SLC36A1: variants seen among roughly 807,000 people sequenced by gnomAD.
SLC36A1 encodes the protein solute carrier family 36 member 1.
A neutral mutation model predicts 47.5 loss-of-function variants in SLC36A1; 30 were observed. The observed-to-expected ratio is 0.63, with a 90% CI of 0.47 to 0.86. The LOEUF (loss-of-function observed/expected upper bound fraction) is 0.86, where lower values mean the gene tolerates loss of function less well. Among genes scored for constraint, SLC36A1 ranks in the 40% least tolerant of loss-of-function variants. The pLI, the probability that SLC36A1 is intolerant of heterozygous loss-of-function variation, is 0.00. For synonymous variants in SLC36A1, 255 were observed against 249.7 expected, an observed-to-expected ratio of 1.02 and a Z score of -0.20; for missense variants, 517 against 606.0, an observed-to-expected ratio of 0.85 and a Z score of 1.54.
chr5:151,527,975 C>T, the SLC36A1 span: 53 of 1,612,112 alleles, frequency 3.3e-5, no homozygotes, highest in African/African-American at 1.9e-4. Context: ...GCTCAGGGTG[C>T]GCCCCTCCCA....
chr5:151,514,790 A>G, the SLC36A1 span, among the ~76,000 whole-genome samples: 1 of 152,132 alleles, frequency 6.6e-6, no homozygotes, highest in Non-Finnish European at 1.5e-5. Context: ...TATCCACCTT[A>G]GCTAAAGCCA....
At chr5:151,421,176 CCTTCCTTCCTTCCTTCCTTCCTT>C in the SLC36A1 span, among the ~76,000 whole-genome samples, 7 of 81,882 alleles carry the variant, frequency 8.5e-5, no homozygotes, top group Admixed American at 4.1e-4. Flanking sequence ...CCCTTTCTCT[CCTTCCTTCCTTCCTTCCTTCCTT>C]CCTTCCTTCC....
chr5:151,524,237 T>C, the SLC36A1 span, among the ~76,000 whole-genome samples: 9 of 152,196 alleles, frequency 5.9e-5, no homozygotes, highest in African/African-American at 1.2e-4. Context: ...ACTTAGAAGA[T>C]TGGATGCCCT....
chr5:151,352,575 A>G, the SLC36A1 span, among the ~76,000 whole-genome samples: 386 of 152,332 alleles, frequency 2.5e-3, 2 homozygotes, highest in African/African-American at 8.5e-3. Flanking sequence ...ATCAGTTTCA[A>G]TGAGCCAAAG....
chr5:151,379,161 T>C, the SLC36A1 span, among the ~76,000 whole-genome samples: 1 of 152,158 alleles, frequency 6.6e-6, no homozygotes, highest in Non-Finnish European at 1.5e-5. Context: ...GTCTCCTCAA[T>C]GGTGGCAGAA....
chr5:151,410,668 A>T, the SLC36A1 span, among the ~76,000 whole-genome samples: 1 of 144,752 alleles, frequency 6.9e-6, no homozygotes, highest in Non-Finnish European at 1.5e-5. Flanking sequence ...TTCGCCTTTT[A>T]TTTTTTATTC....
chr5:151,450,766 GTCAGATGAGTGAATAGTC>G (rs1478858136), intron 1 of SLC36A1, among the ~76,000 whole-genome samples: 2 of 152,158 alleles, frequency 1.3e-5, no homozygotes, highest in Non-Finnish European at 2.9e-5. Context: ...CGCTTCAAAG[GTCAGATGAGTGAATAGTC>G]TTCTGTTTCT....
chr5:151,456,894 A>G (rs1754608603), intron 1 of SLC36A1, among the ~76,000 whole-genome samples: 1 of 152,134 alleles, frequency 6.6e-6, no homozygotes, highest in South Asian at 2.1e-4. Flanking sequence ...ATCCTCTGGC[A>G]GGTGGTGCTG....
chr5:151,466,770 G>A (rs114827406), intron 5 of SLC36A1, among the ~76,000 whole-genome samples: 2,326 of 152,260 alleles, frequency 0.015, 17 homozygotes, highest in Non-Finnish European at 0.021. Flanking sequence ...AAGGGGCTGG[G>A]CAGTGGTCAT....
the SLC36A1 span, among the ~76,000 whole-genome samples, chr5:151,400,839 A>C: frequency 1.6e-4 from 25 of 152,016 alleles, no homozygotes; most frequent in South Asian, 4.8e-3. Context: ...GTGTCTGTTC[A>C]TGTCTTTTGC....
At chr5:151,533,228 G>C in the SLC36A1 span, among the ~76,000 whole-genome samples, 1 of 152,116 alleles carries the variant, frequency 6.6e-6, no homozygotes, top group African/African-American at 2.4e-5. Context: ...CTGGAGGTGT[G>C]TAAGCAGTGG....
At chr5:151,455,016 C>A (rs1561731503) in intron 1 of SLC36A1, among the ~76,000 whole-genome samples, 1 of 152,130 alleles carries the variant, frequency 6.6e-6, no homozygotes, top group African/African-American at 2.4e-5. Flanking sequence ...AGTTCTGACC[C>A]CTGGATATAC....
At chr5:151,363,764 A>G in the SLC36A1 span, among the ~76,000 whole-genome samples, 3 of 152,320 alleles carry the variant, frequency 2.0e-5, no homozygotes, top group South Asian at 4.1e-4. Flanking sequence ...GGCACTTTGT[A>G]TGGATCCCAT....
the SLC36A1 span, chr5:151,527,498 C>T: frequency 1.1e-6 from 1 of 906,032 alleles, no homozygotes; most frequent in Non-Finnish European, 1.6e-6. Context: ...TGCCCACCCC[C>T]ACTGCCCACC....
chr5:151,347,204 G>C, the SLC36A1 span: 1 of 1,480,716 alleles, frequency 6.8e-7, no homozygotes, highest in East Asian at 2.3e-5. Flanking sequence ...CTGCACAGTG[G>C]GTTGAGGGTC....
the SLC36A1 span, among the ~76,000 whole-genome samples, chr5:151,376,988 G>T: frequency 6.6e-6 from 1 of 152,216 alleles, no homozygotes; most frequent in African/African-American, 2.4e-5. Context: ...ATCGTTAAGG[G>T]ACATATGGTT....
At chr5:151,505,973 G>T in the SLC36A1 span, 1 of 1,572,930 alleles carries the variant, frequency 6.4e-7, no homozygotes, top group Non-Finnish European at 8.6e-7. Flanking sequence ...CTGGCATCAC[G>T]ACTGGGGTTG....
At chr5:151,426,824 G>A in the SLC36A1 span, among the ~76,000 whole-genome samples, 9 of 152,314 alleles carry the variant, frequency 5.9e-5, no homozygotes, top group African/African-American at 2.2e-4. Flanking sequence ...GCTTTCTTGG[G>A]CAGAGGTCCC....
chr5:151,476,747 C>T lies in SLC36A1; in HGVS notation c.980C>T (p.Pro327Leu). The T allele has an allele frequency of 6.2e-7, 1 of 1,610,714 alleles. No individual in the cohort carries two copies. The highest frequency in any genetic ancestry group is 1.7e-5 in the Admixed American group (1 of 59,704). ...CAAGGCAGCATAACCCTCAACCTGC[C>T]CAACTGCTGGTACGTGGAGGGAGGA... is the stretch of plus-strand genomic sequence containing the variant. ...NIQGSITLNLPNCWLYQSVKL... is the reference protein window; with the variant it reads ...NIQGSITLNLLNCWLYQSVKL... The change falls in exon 9 of 11, where the codon CCC becomes CTC. Residue 327 changes from proline to leucine, a missense_variant. Physicochemically the swap from Pro to Leu is moderately conservative, Grantham distance 98. Transcript: ENST00000243389.
Sources: allele counts gnomAD v4.1 joint callset (sites outside exome capture counted in the v4.1 genomes callset), GRCh38; gene constraint gnomAD v4.1.1; transcripts MANE v1.5; gene names NCBI Gene and HGNC (gene_info 2026-07-23, HGNC 2026-07-21).